NEGR1: variants seen among roughly 807,000 people sequenced by gnomAD.
NEGR1 encodes the protein IgLON family member 4.
A neutral mutation model predicts 40.9 loss-of-function variants in NEGR1; 10 were observed. The observed-to-expected ratio is 0.24, with a 90% CI of 0.15 to 0.42. NEGR1 has a LOEUF of 0.42. Among genes scored for constraint, NEGR1 ranks in the 10% least tolerant of loss-of-function variants. The pLI, the probability that NEGR1 is intolerant of heterozygous loss-of-function variation, is 1.00. For synonymous variants in NEGR1, 185 were observed against 166.8 expected, an observed-to-expected ratio of 1.11 and a Z score of -0.84; for missense variants, 352 against 438.9, an observed-to-expected ratio of 0.80 and a Z score of 1.77.
intron 6 of NEGR1, among the ~76,000 whole-genome samples, chr1:71,515,858 C>A: frequency 1.5e-5 from 1 of 68,490 alleles, no homozygotes; most frequent in Non-Finnish European, 2.7e-5. Context: ...CACATAGGCT[C>A]AAAATAAAAG....
chr1:71,868,944 A>T, intron 2 of NEGR1, among the ~76,000 whole-genome samples: 1 of 152,026 alleles, frequency 6.6e-6, no homozygotes, highest in East Asian at 1.9e-4. Flanking sequence ...TTTCCTCTTC[A>T]ACCTTCATGA....
At chr1:72,105,975 T>C (rs924935291) in intron 1 of NEGR1, among the ~76,000 whole-genome samples, 3 of 152,204 alleles carry the variant, frequency 2.0e-5, no homozygotes, top group South Asian at 2.1e-4. Context: ...AGTGAAAACC[T>C]AGATATAACT....
At chr1:71,693,611 G>T (rs1246669824) in intron 4 of NEGR1, among the ~76,000 whole-genome samples, 1 of 151,560 alleles carries the variant, frequency 6.6e-6, no homozygotes, top group African/African-American at 2.4e-5. Flanking sequence ...AGTGAAAACT[G>T]AGAGTCAGAG....
intron 1 of NEGR1, among the ~76,000 whole-genome samples, chr1:72,248,002 T>A (rs1654956735): frequency 6.6e-6 from 1 of 151,626 alleles, no homozygotes; most frequent in Admixed American, 6.6e-5. Flanking sequence ...GGAGCGAGAG[T>A]GTGCGTCGGC....
In NEGR1 at chr1:71,698,085, T is replaced by G; in HGVS notation, c.590A>C (p.Gln197Pro). 1 of 1,611,202 alleles carries G rather than the reference T, an allele frequency of 6.2e-7. No homozygotes were observed. The highest frequency in any genetic ancestry group is 8.5e-7 in the Non-Finnish European group (1 of 1,177,962). The change falls in exon 4 of 7, where the codon CAG becomes CCG. Residue 197 changes from glutamine (Q) to proline (P), a missense_variant. By Grantham distance (76) the Gln-to-Pro change is moderately conservative. Transcript: ENST00000357731. ...YLDIYGITRDQAGEYECSAEN... is the reference protein window; with the variant it reads ...YLDIYGITRDPAGEYECSAEN... ...CGCACTGCATTCATATTCCCCAGCC[T>G]GGTCCCTTGTAATTCCATAAATGTC...
At chr1:71,855,861 G>A (rs537464681) in intron 2 of NEGR1, among the ~76,000 whole-genome samples, 5 of 152,000 alleles carry the variant, frequency 3.3e-5, no homozygotes, top group South Asian at 2.1e-4. Flanking sequence ...TTATGTTGGA[G>A]TATGTTAGAA....
intron 3 of NEGR1, among the ~76,000 whole-genome samples, chr1:71,732,476 G>A (rs564901592): frequency 4.7e-5 from 7 of 149,708 alleles, no homozygotes; most frequent in South Asian, 2.1e-4. Context: ...AGCCACATTC[G>A]ACACATTACT....
At chr1:72,160,679 G>GT (rs1557556406) in intron 1 of NEGR1, among the ~76,000 whole-genome samples, 1 of 151,978 alleles carries the variant, frequency 6.6e-6, no homozygotes, top group East Asian at 1.9e-4. Flanking sequence ...TATTTGCATC[G>GT]TTTTTCTGGA....
chr1:71,494,669 G>A (rs1274638638), intron 6 of NEGR1, among the ~76,000 whole-genome samples: 2 of 152,134 alleles, frequency 1.3e-5, no homozygotes, highest in African/African-American at 4.8e-5. Flanking sequence ...CAGGAACTTT[G>A]TGACTTGTGT....
chr1:71,612,352 A>T (rs184105966), intron 4 of NEGR1, among the ~76,000 whole-genome samples: 8 of 152,280 alleles, frequency 5.3e-5, no homozygotes, highest in African/African-American at 1.9e-4. Flanking sequence ...ATATTCCAAG[A>T]TCATTACACA....
intron 6 of NEGR1, among the ~76,000 whole-genome samples, chr1:71,545,758 T>C (rs185435636): frequency 1.3e-5 from 2 of 151,628 alleles, no homozygotes; most frequent in Admixed American, 1.3e-4. Flanking sequence ...AGGGGAAAAC[T>C]CAGGCTGTGT....
At chr1:72,192,132 A>G (rs2100430778) in intron 1 of NEGR1, among the ~76,000 whole-genome samples, 1 of 152,030 alleles carries the variant, frequency 6.6e-6, no homozygotes, top group East Asian at 1.9e-4. Flanking sequence ...CATGCTTGGG[A>G]TATTCATAGA....
intron 6 of NEGR1, among the ~76,000 whole-genome samples, chr1:71,563,592 T>C (rs150602780): frequency 3.3e-5 from 5 of 151,954 alleles, no homozygotes; most frequent in East Asian, 1.9e-4. Flanking sequence ...TTTAGAGAAA[T>C]AGAAGAGCAC....
At chr1:72,026,912 T>TTTTTG (rs1211725525) in intron 1 of NEGR1, among the ~76,000 whole-genome samples, 1 of 152,218 alleles carries the variant, frequency 6.6e-6, no homozygotes, top group African/African-American at 2.4e-5. Context: ...ACTCATGTTT[T>TTTTTG]TTTTGTTTTG....
At chr1:71,797,636 TAG>T (rs1242291928) in intron 2 of NEGR1, among the ~76,000 whole-genome samples, 1 of 152,200 alleles carries the variant, frequency 6.6e-6, no homozygotes, top group Non-Finnish European at 1.5e-5. Flanking sequence ...TTGATAAATG[TAG>T]GCTTTATAGA....
intron 2 of NEGR1, among the ~76,000 whole-genome samples, chr1:71,776,912 G>A (rs1255171160): frequency 6.6e-6 from 1 of 152,068 alleles, no homozygotes; most frequent in African/African-American, 2.4e-5. Flanking sequence ...TATCAATAAT[G>A]ACTGGCAAAC....
intron 1 of NEGR1, among the ~76,000 whole-genome samples, chr1:72,068,821 G>A (rs543249456): frequency 3.9e-5 from 6 of 151,968 alleles, no homozygotes; most frequent in Non-Finnish European, 8.8e-5. Flanking sequence ...TATTCTTGAG[G>A]AATTTTCTAG....
intron 2 of NEGR1, among the ~76,000 whole-genome samples, chr1:71,846,253 T>C (rs1335078108): frequency 6.6e-6 from 1 of 152,160 alleles, no homozygotes; most frequent in African/African-American, 2.4e-5. Context: ...TGTTTAAATC[T>C]GATTCCTTTT....
At chr1:71,544,219 G>A (rs772939229) in intron 6 of NEGR1, among the ~76,000 whole-genome samples, 6 of 151,652 alleles carry the variant, frequency 4.0e-5, no homozygotes, top group Non-Finnish European at 5.9e-5. Context: ...CATTTAAGTA[G>A]TATATATTTT....
Sources: allele counts gnomAD v4.1 joint callset (sites outside exome capture counted in the v4.1 genomes callset), GRCh38; gene constraint gnomAD v4.1.1; transcripts MANE v1.5; gene names NCBI Gene and HGNC (gene_info 2026-07-23, HGNC 2026-07-21).